The following ARNT2 variants were observed in gnomAD, a reference collection of about 807,000 sequenced individuals.
ARNT2 encodes the protein aryl hydrocarbon receptor nuclear translocator 2, also known as ARNT protein 2.
ARNT2 carries 36 observed loss-of-function variants against 91.7 expected under a neutral mutation model. That is an observed-to-expected ratio of 0.39 (90% CI 0.30 to 0.52). The LOEUF is 0.52. ARNT2 is among the 20% of genes least tolerant of loss of function. The probability of loss-of-function intolerance (pLI) is 0.72; values close to 1 mark genes in which losing one functional copy is unlikely to be tolerated. For missense variants in ARNT2, 775 were observed against 939.3 expected (o/e 0.83, Z 2.29); for synonymous variants, 365 against 347.1 (o/e 1.05, Z -0.57).
intron 5 of ARNT2, among the ~76,000 whole-genome samples, chr15:80,506,215 C>T (rs562847445): frequency 6.6e-6 from 1 of 152,094 alleles, no homozygotes; most frequent in East Asian, 1.9e-4. Context: ...GGATTACAGG[C>T]GTGAGCCACC....
intron 1 of ARNT2, among the ~76,000 whole-genome samples, chr15:80,434,738 G>A (rs1219395081): frequency 1.3e-5 from 2 of 152,138 alleles, no homozygotes; most frequent in Non-Finnish European, 2.9e-5. Context: ...GCAGAGGAGA[G>A]GCAGGGAACG....
intron 1 of ARNT2, among the ~76,000 whole-genome samples, chr15:80,441,606 G>A (rs573540503): frequency 1.3e-5 from 2 of 152,162 alleles, no homozygotes; most frequent in Admixed American, 6.5e-5. Context: ...AAGATCAGGG[G>A]ATATTTTTCT....
At chr15:80,407,297 G>C (rs1895615100) in intron 1 of ARNT2, among the ~76,000 whole-genome samples, 1 of 152,206 alleles carries the variant, frequency 6.6e-6, no homozygotes, top group Non-Finnish European at 1.5e-5. Flanking sequence ...ACACTCTTCT[G>C]TGATGTGTAG....
chr15:80,449,815 C>T (rs1896360591), intron 1 of ARNT2, among the ~76,000 whole-genome samples: 1 of 152,212 alleles, frequency 6.6e-6, no homozygotes, highest in Admixed American at 6.5e-5. Context: ...CATGCACTGT[C>T]AACATCACCA....
chr15:80,504,145 A>G (rs1446954085), intron 5 of ARNT2, among the ~76,000 whole-genome samples: 1 of 152,144 alleles, frequency 6.6e-6, no homozygotes, highest in Non-Finnish European at 1.5e-5. Flanking sequence ...TGACTTCTTC[A>G]AGGCCCTTTT....
Position 80,581,480 on chromosome 15 carries a change from C to T in ARNT2, c.1918+76C>T, listed in dbSNP as rs1407371745. On this transcript the variant is annotated intron_variant, in intron 17 of 18. Transcript: ENST00000303329. ...TTCTGAACAGCCTGAATTCAGGAGG[C>T]TGAGCTCCAAGCTCCCAGCTACCAA... 3 of 1,576,808 alleles carry T rather than the reference C, an allele frequency of 1.9e-6. No individual in the cohort carries two copies. In the African/African-American group the frequency reaches 4.0e-5, roughly 21 times the overall value.
At chr15:80,515,005 T>C (rs996419954) in intron 8 of ARNT2, among the ~76,000 whole-genome samples, 4 of 152,170 alleles carry the variant, frequency 2.6e-5, no homozygotes, top group African/African-American at 9.7e-5. Context: ...AAAGTCAGAG[T>C]GGCAATTTGA....
At chr15:80,442,690 T>C (rs79128307) in intron 1 of ARNT2, 13,762 of 242,322 alleles carry the variant, frequency 0.057, 508 homozygotes, top group South Asian at 0.12. Context: ...CCTGATTCAA[T>C]GAACCGAGGA....
intron 1 of ARNT2, among the ~76,000 whole-genome samples, chr15:80,413,581 C>T (rs1895721904): frequency 6.6e-6 from 1 of 152,176 alleles, no homozygotes; most frequent in African/African-American, 2.4e-5. Context: ...ACTTTTCTTC[C>T]AACAACTCTA....
chr15:80,450,366 A>G (rs1217268823), intron 1 of ARNT2, among the ~76,000 whole-genome samples: 1 of 152,206 alleles, frequency 6.6e-6, no homozygotes, highest in African/African-American at 2.4e-5. Flanking sequence ...CAGGGCTCAG[A>G]TACTCAGGGC....
chr15:80,546,188 C>G (rs1897987753), intron 8 of ARNT2, among the ~76,000 whole-genome samples: 1 of 152,156 alleles, frequency 6.6e-6, no homozygotes, highest in Non-Finnish European at 1.5e-5. Flanking sequence ...AGAGTTAGTA[C>G]AATGATTCTG....
chr15:80,479,683 G>T (rs1896857303), intron 5 of ARNT2, among the ~76,000 whole-genome samples: 3 of 152,120 alleles, frequency 2.0e-5, no homozygotes, highest in African/African-American at 7.2e-5. Flanking sequence ...TGGAGGAGGG[G>T]GACTGGTGAA....
intron 1 of ARNT2, among the ~76,000 whole-genome samples, chr15:80,439,160 A>G (rs1393943708): frequency 1.3e-5 from 2 of 152,142 alleles, no homozygotes; most frequent in African/African-American, 2.4e-5. Flanking sequence ...TACATCATAC[A>G]TACAAGGAGC....
chr15:80,459,340 C>G (rs1896521342), intron 3 of ARNT2, among the ~76,000 whole-genome samples: 1 of 152,166 alleles, frequency 6.6e-6, no homozygotes, highest in Non-Finnish European at 1.5e-5. Flanking sequence ...GCTTGGACAT[C>G]CACCCATTTC....
At chr15:80,531,493 TA>T (rs1294715883) in intron 8 of ARNT2, among the ~76,000 whole-genome samples, 8 of 152,264 alleles carry the variant, frequency 5.3e-5, no homozygotes, top group Non-Finnish European at 1.0e-4. Context: ...CTGTTCATAT[TA>T]AAAATCAGTT....
chr15:80,451,208 C>T (rs760307758), intron 2 of ARNT2, among the ~76,000 whole-genome samples: 10 of 152,228 alleles, frequency 6.6e-5, no homozygotes, highest in Non-Finnish European at 1.2e-4. Flanking sequence ...TTTGCTTGTC[C>T]TTGTGGTGAG....
chr15:80,582,874 G>A (rs1236274391), intron 17 of ARNT2, among the ~76,000 whole-genome samples: 1 of 152,172 alleles, frequency 6.6e-6, no homozygotes, highest in African/African-American at 2.4e-5. Context: ...CCTTCCTGCA[G>A]TCACACGTGA....
intron 3 of ARNT2, among the ~76,000 whole-genome samples, chr15:80,465,240 C>G (rs1235823406): frequency 6.6e-6 from 1 of 152,198 alleles, no homozygotes; most frequent in Non-Finnish European, 1.5e-5. Flanking sequence ...GGTGTCTGGT[C>G]TTCCAGTTCT....
chr15:80,555,169 G>T, intron 11 of ARNT2, 30 bp downstream of exon 11: 1 of 1,609,210 alleles, frequency 6.2e-7, no homozygotes, highest in Non-Finnish European at 8.5e-7. Context: ...ACTTAAAGCT[G>T]ATGCATAGTC....
Sources: gnomAD v4.1 joint callset for allele counts (sites outside exome capture counted in the v4.1 genomes callset) on GRCh38, gnomAD v4.1.1 for gene constraint, MANE v1.5 for transcripts, NCBI Gene and HGNC (gene_info 2026-07-23, HGNC 2026-07-21) for gene names.